Variants in ADAM23 observed in about 807,000 individuals in gnomAD.
The protein encoded by ADAM23 is disintegrin and metalloproteinase domain-containing protein 23.
In ADAM23, 33 loss-of-function variants were observed where a neutral mutation model predicts 120.1. That is an observed-to-expected ratio of 0.27 (90% CI 0.21 to 0.37). The LOEUF is 0.37. Among genes scored for constraint, ADAM23 ranks in the 10% least tolerant of loss-of-function variants. The probability of loss-of-function intolerance (pLI) is 1.00; values close to 1 mark genes in which losing one functional copy is unlikely to be tolerated. For missense variants in ADAM23, 862 were observed against 1,058.2 expected (o/e 0.81, Z 2.57); for synonymous variants, 367 against 375.2 (o/e 0.98, Z 0.25).
chr2:206,596,629 T>C (rs542806527), intron 24 of ADAM23, among the ~76,000 whole-genome samples: 1 of 152,348 alleles, frequency 6.6e-6, no homozygotes, highest in East Asian at 1.9e-4. Flanking sequence ...GAATTCTTCA[T>C]AGAACTTTCA....
intron 24 of ADAM23, among the ~76,000 whole-genome samples, chr2:206,602,150 G>A (rs1238810244): frequency 1.3e-5 from 2 of 152,082 alleles, no homozygotes; most frequent in East Asian, 1.9e-4. Flanking sequence ...GTATAATTAT[G>A]TGCTACCTGG....
intron 18 of ADAM23, among the ~76,000 whole-genome samples, chr2:206,578,730 A>T (rs1367290797): frequency 6.6e-6 from 1 of 152,068 alleles, no homozygotes; most frequent in African/African-American, 2.4e-5. Context: ...TTTTTGAATA[A>T]TGACGTCTTT....
intron 3 of ADAM23, among the ~76,000 whole-genome samples, chr2:206,499,400 A>T (rs1197414514): frequency 1.3e-5 from 2 of 149,974 alleles, no homozygotes; most frequent in African/African-American, 4.9e-5. Flanking sequence ...AGGACAAAAA[A>T]CCAAACACTG....
intron 2 of ADAM23, among the ~76,000 whole-genome samples, chr2:206,463,357 A>C (rs1459347777): frequency 6.6e-6 from 1 of 152,188 alleles, no homozygotes; most frequent in African/African-American, 2.4e-5. Flanking sequence ...AGGAATACAG[A>C]CAGCCTTTAG....
chr2:206,593,411 C>T (rs1413470172), intron 22 of ADAM23, among the ~76,000 whole-genome samples: 1 of 152,160 alleles, frequency 6.6e-6, no homozygotes, highest in African/African-American at 2.4e-5. Flanking sequence ...TTGCCTTCAG[C>T]GTCTGCAAAC....
intron 24 of ADAM23, among the ~76,000 whole-genome samples, chr2:206,596,560 G>T (rs1469125005): frequency 1.3e-5 from 2 of 152,198 alleles, no homozygotes; most frequent in Non-Finnish European, 2.9e-5. Context: ...AATCTCTCCG[G>T]AAGGAAGTTG....
chr2:206,464,632 A>AC (rs770165778), intron 2 of ADAM23, among the ~76,000 whole-genome samples: 21 of 151,382 alleles, frequency 1.4e-4, no homozygotes, highest in Non-Finnish European at 2.7e-4. Flanking sequence ...TGTTGAGGCA[A>AC]CACATCTAGA....
chr2:206,520,266 T>C (rs953487641), intron 3 of ADAM23, among the ~76,000 whole-genome samples: 28 of 152,206 alleles, frequency 1.8e-4, no homozygotes, highest in Middle Eastern at 3.4e-3. Flanking sequence ...CAGGTTGTGG[T>C]GGTGCAGGAG....
Position 206,444,058 on chromosome 2 carries a change from C to A in ADAM23, c.192C>A (p.Ala64=). The change falls in exon 1 of 26, where the codon GCC becomes GCA. Residue 64 remains alanine (A), a synonymous_variant. Transcript: ENST00000264377. ...TCGCCGCCTCGTCCCGGCCCCGCGC[C>A]TGGGGGGCTGCTGCGCCCAGCGGTG... ...PPLAASSRPR[A]WGAAAPSAPH... The A allele has an allele frequency of 7.2e-7, 1 of 1,387,454 alleles. No individual in the cohort carries two copies. The highest frequency in any genetic ancestry group is 9.4e-7 in the Non-Finnish European group (1 of 1,068,296). 85.9% of individuals were successfully genotyped at this position (1,387,454 alleles called of 1,614,324 possible).
chr2:206,557,890 G>C (rs1697678116), intron 10 of ADAM23, among the ~76,000 whole-genome samples: 1 of 152,166 alleles, frequency 6.6e-6, no homozygotes, highest in Non-Finnish European at 1.5e-5. Context: ...GATTGAAGCA[G>C]AGTATGTTTG....
chr2:206,503,965 G>A (rs1260366418), intron 3 of ADAM23, among the ~76,000 whole-genome samples: 1 of 152,018 alleles, frequency 6.6e-6, no homozygotes, highest in Non-Finnish European at 1.5e-5. Context: ...TATTTTGAAA[G>A]GTCTTATATT....
At chr2:206,616,606 C>T (rs942110121) in intron 25 of ADAM23, among the ~76,000 whole-genome samples, 11 of 151,964 alleles carry the variant, frequency 7.2e-5, no homozygotes, top group Admixed American at 7.2e-4. Flanking sequence ...AGGAATATAT[C>T]GCAATGGCTT....
chr2:206,509,194 CATT>C lies in ADAM23; in HGVS notation c.510-21688_510-21686del, dbSNP rs763878548. ...TAATGTTTTTGGAAAAGTGACTGCT[CATT>C]ATAAAATGTCAAGTCGATACAAAAA... On this transcript the variant is annotated intron_variant, in intron 3 of 25. Coordinates refer to ENST00000264377, the MANE Select transcript of ADAM23 (RefSeq NM_003812.4). Among the ~76,000 whole-genome samples, 124 of 152,136 alleles carry C rather than the reference CATT, an allele frequency of 8.2e-4. 2 individuals are homozygous for C. Among genetic ancestry groups the C allele is most frequent in the Non-Finnish European group, 1.3e-3 (91 of 67,994 alleles).
chr2:206,581,641 A>G (rs1698220337), intron 18 of ADAM23, among the ~76,000 whole-genome samples: 1 of 152,198 alleles, frequency 6.6e-6, no homozygotes, highest in Non-Finnish European at 1.5e-5. Flanking sequence ...ATGGCCTATC[A>G]TATGGTCTAT....
chr2:206,530,822 G>A (rs1697044007), intron 3 of ADAM23, 63 bp from the exon 4 acceptor site: 14 of 1,462,764 alleles, frequency 9.6e-6, no homozygotes, highest in Non-Finnish European at 1.2e-5. Flanking sequence ...TTATTGAGCC[G>A]ATTGTTTTTA....
At chr2:206,588,057 T>G in intron 19 of ADAM23, 34 bp from the exon 20 acceptor site, 1 of 1,611,610 alleles carries the variant, frequency 6.2e-7, no homozygotes, top group Non-Finnish European at 8.5e-7. Flanking sequence ...ACAAACTGAC[T>G]CTGTGTGCCT....
chr2:206,497,723 G>A, intron 3 of ADAM23, among the ~76,000 whole-genome samples: 1 of 152,166 alleles, frequency 6.6e-6, no homozygotes, highest in East Asian at 1.9e-4. Context: ...GTCCCTGTTT[G>A]CAGATGACAT....
chr2:206,535,543 G>A (rs1697155796), intron 4 of ADAM23, among the ~76,000 whole-genome samples: 1 of 152,068 alleles, frequency 6.6e-6, no homozygotes, highest in African/African-American at 2.4e-5. Flanking sequence ...GCCAAAAGGT[G>A]GAAACACCCT....
At chr2:206,593,168 T>C (rs1446560518) in intron 22 of ADAM23, among the ~76,000 whole-genome samples, 1 of 152,174 alleles carries the variant, frequency 6.6e-6, no homozygotes, top group Non-Finnish European at 1.5e-5. Context: ...CCTAATCATA[T>C]ATAGAAAATA....
Sources: gnomAD v4.1 joint callset for allele counts (sites outside exome capture counted in the v4.1 genomes callset) on GRCh38, gnomAD v4.1.1 for gene constraint, MANE v1.5 for transcripts, NCBI Gene and HGNC (gene_info 2026-07-23, HGNC 2026-07-21) for gene names.